The following SCTR variants were observed in gnomAD, a reference collection of about 807,000 sequenced individuals.
SCTR encodes secretin receptor.
In SCTR, 56 loss-of-function variants were observed where a neutral mutation model predicts 60.8. That is an observed-to-expected ratio of 0.92 (90% CI 0.74 to 1.15). The LOEUF (loss-of-function observed/expected upper bound fraction) is 1.15, where lower values mean the gene tolerates loss of function less well. SCTR is among the 50% of genes most tolerant of loss of function. SCTR has a pLI of 0.00. For synonymous variants in SCTR, 202 were observed against 217.0 expected (o/e 0.93, Z 0.61); for missense variants, 562 against 550.4 (o/e 1.02, Z -0.21).
chr2:119,466,616 A>G (rs1683845260), intron 4 of SCTR, among the ~76,000 whole-genome samples: 1 of 152,100 alleles, frequency 6.6e-6, no homozygotes, highest in African/African-American at 2.4e-5. Context: ...GCCAGGCACA[A>G]TGGTGCACAC....
chr2:119,490,020 T>G (rs1678052940), intron 2 of SCTR, among the ~76,000 whole-genome samples: 1 of 152,054 alleles, frequency 6.6e-6, no homozygotes, highest in South Asian at 2.1e-4. Flanking sequence ...GGACAGGAGG[T>G]GGGGGACACC....
chr2:119,508,757 T>C (rs1010618796), intron 1 of SCTR, among the ~76,000 whole-genome samples: 10 of 152,242 alleles, frequency 6.6e-5, no homozygotes, highest in African/African-American at 1.7e-4. Flanking sequence ...TTTTGAAATA[T>C]GTATACACTG....
At chr2:119,463,683 G>A (rs1683706755) in intron 6 of SCTR, among the ~76,000 whole-genome samples, 1 of 152,208 alleles carries the variant, frequency 6.6e-6, no homozygotes, top group Non-Finnish European at 1.5e-5. Context: ...AAGGGGGTTA[G>A]ATTTAAGAAA....
chr2:119,493,102 G>A (rs899928326), intron 2 of SCTR, among the ~76,000 whole-genome samples: 18 of 151,990 alleles, frequency 1.2e-4, no homozygotes, highest in African/African-American at 4.1e-4. Flanking sequence ...AATAATCTGT[G>A]CACCTTGGCC....
chr2:119,451,998 AG>A lies in SCTR; in HGVS notation c.921+11del. On this transcript the variant is annotated intron_variant, in intron 9 of 12. Coordinates refer to ENST00000019103, the MANE Select transcript of SCTR (RefSeq NM_002980.3). ...CCACTGATCCCCAGCTAGGGAGAGGAGGGCCACTCACCAGGATGGAGAGGAT... is the reference window on the plus strand; with the variant it reads ...CCACTGATCCCCAGCTAGGGAGAGGAGGCCACTCACCAGGATGGAGAGGAT... 1 of 1,553,710 alleles carries A rather than the reference AG, an allele frequency of 6.4e-7. No homozygotes were observed.
chr2:119,489,332 C>T (rs1558869224), intron 2 of SCTR, among the ~76,000 whole-genome samples: 1 of 152,214 alleles, frequency 6.6e-6, no homozygotes, highest in South Asian at 2.1e-4. Flanking sequence ...CCACTCTCTC[C>T]TTGGGGCCAG....
intron 2 of SCTR, chr2:119,479,170 G>T: frequency 7.9e-7 from 1 of 1,273,308 alleles, no homozygotes; most frequent in Non-Finnish European, 9.9e-7. Context: ...AAGGGAAGAA[G>T]GAAAGAAGGA....
At chr2:119,472,903 G>C (rs1677085248) in intron 4 of SCTR, among the ~76,000 whole-genome samples, 1 of 152,174 alleles carries the variant, frequency 6.6e-6, no homozygotes, top group African/African-American at 2.4e-5. Flanking sequence ...TGGGATTATA[G>C]GTGTAAGCCG....
chr2:119,524,159 T>C lies in SCTR; in HGVS notation c.68A>G (p.His23Arg), dbSNP rs201624828. ...LLPVLLACAA[H>R]STGALPRLCD... is the part of the protein sequence containing the mutation. ...GCAGAAGGGCGCAGTACTCACCGAG[T>C]GCGCGGCGCAGGCGAGCAGCACCGG... The change falls in exon 1 of 13, where the codon CAC (histidine) becomes CGC (arginine). Residue 23 changes from histidine (H) to arginine (R), a missense_variant. Transcript: ENST00000019103. The C allele has an allele frequency of 1.5e-4, 227 of 1,537,870 alleles. No individual in the cohort carries two copies. In the African/African-American group the frequency reaches 2.8e-3, roughly 19 times the overall value.
chr2:119,456,806 A>G (rs1342048322), intron 7 of SCTR, among the ~76,000 whole-genome samples: 1 of 152,290 alleles, frequency 6.6e-6, no homozygotes, highest in East Asian at 1.9e-4. Flanking sequence ...TGGCATCCTT[A>G]TAAGAAGGCC....
At chr2:119,440,679 G>C (rs748401843) in intron 12 of SCTR, among the ~76,000 whole-genome samples, 9 of 152,124 alleles carry the variant, frequency 5.9e-5, no homozygotes, top group Non-Finnish European at 1.3e-4. Flanking sequence ...AGGAGGGTGT[G>C]GTCTGAAGGT....
chr2:119,502,436 G>T (rs1678584209), intron 1 of SCTR, among the ~76,000 whole-genome samples: 1 of 152,162 alleles, frequency 6.6e-6, no homozygotes, highest in Non-Finnish European at 1.5e-5. Flanking sequence ...ACATAGTAAA[G>T]ATGTCAGTTC....
intron 1 of SCTR, among the ~76,000 whole-genome samples, chr2:119,504,103 G>C (rs1458572835): frequency 6.6e-6 from 1 of 152,150 alleles, no homozygotes; most frequent in East Asian, 1.9e-4. Flanking sequence ...CCTAGAAATA[G>C]ACCTACGTAA....
intron 1 of SCTR, among the ~76,000 whole-genome samples, chr2:119,495,902 C>T (rs1678328466): frequency 6.6e-6 from 1 of 152,240 alleles, no homozygotes; most frequent in African/African-American, 2.4e-5. Context: ...CTTTCCCCAC[C>T]TCTCAGCCTT....
intron 1 of SCTR, among the ~76,000 whole-genome samples, chr2:119,506,256 G>T (rs911058500): frequency 1.3e-5 from 2 of 152,088 alleles, no homozygotes; most frequent in African/African-American, 4.8e-5. Flanking sequence ...AAACAATCCA[G>T]ATGTTTTCCA....
intron 7 of SCTR, among the ~76,000 whole-genome samples, chr2:119,461,175 T>C (rs1299090463): frequency 6.6e-6 from 1 of 152,258 alleles, no homozygotes; most frequent in Non-Finnish European, 1.5e-5. Flanking sequence ...ATTTCGTTTA[T>C]GTTTAAAGGT....
At chr2:119,495,893 T>C (rs909254011) in intron 1 of SCTR, among the ~76,000 whole-genome samples, 7 of 152,254 alleles carry the variant, frequency 4.6e-5, no homozygotes, top group African/African-American at 1.7e-4. Context: ...ATGCTCATTC[T>C]TTCCCCACCT....
At chr2:119,508,383 C>CTTTTT (rs34070844) in intron 1 of SCTR, among the ~76,000 whole-genome samples, 95 of 77,400 alleles carry the variant, frequency 1.2e-3, no homozygotes, top group African/African-American at 1.5e-3. Flanking sequence ...TCTTCTTCTT[C>CTTTTT]TTTTTTTTTT....
At chr2:119,442,508 T>C (rs1208629872) in intron 11 of SCTR, among the ~76,000 whole-genome samples, 3 of 152,114 alleles carry the variant, frequency 2.0e-5, no homozygotes, top group Non-Finnish European at 2.9e-5. Flanking sequence ...ACTTATGATA[T>C]TGGAAAGGAA....
Sources: allele counts gnomAD v4.1 joint callset (sites outside exome capture counted in the v4.1 genomes callset), GRCh38; gene constraint gnomAD v4.1.1; transcripts MANE v1.5; gene names NCBI Gene and HGNC (gene_info 2026-07-23, HGNC 2026-07-21).